The following PRDM11 variants were observed in gnomAD, a reference collection of about 807,000 sequenced individuals.
PRDM11 encodes the protein PR/SET domain 11.
In PRDM11, 20 loss-of-function variants were observed where a neutral mutation model predicts 97.8. That is an observed-to-expected ratio of 0.20 (90% confidence interval 0.14 to 0.30). The LOEUF (loss-of-function observed/expected upper bound fraction) is 0.30, where lower values mean the gene tolerates loss of function less well. Ranked by LOEUF, PRDM11 falls within the 10% of genes least tolerant of loss-of-function variation. The pLI is 1.00. For missense variants in PRDM11, 1,139 were observed against 1,555.2 expected (o/e 0.73, Z 4.50); for synonymous variants, 599 against 637.7 (o/e 0.94, Z 0.91).
intron 1 of PRDM11, among the ~76,000 whole-genome samples, chr11:45,112,788 TTGTGTG>T (rs113245678): frequency 6.7e-6 from 1 of 149,854 alleles, no homozygotes. Context: ...ATGGGATTAT[TTGTGTG>T]TGTGTGTGTG....
At chr11:45,110,795 G>C (rs1230425840) in intron 1 of PRDM11, among the ~76,000 whole-genome samples, 1 of 152,184 alleles carries the variant, frequency 6.6e-6, no homozygotes, top group Non-Finnish European at 1.5e-5. Context: ...TTGTCCAGCA[G>C]ATGGCAGTAA....
Position 45,214,129 on chromosome 11 carries a change from C to T in PRDM11, c.555-5441C>T, listed in dbSNP as rs574552567. The T allele has an allele frequency of 8.7e-5, 17 of 194,456 alleles. No homozygotes were observed. The South Asian group carries it at 1.8e-3, about 21-fold the overall frequency. 12.0% of individuals were successfully genotyped at this position (194,456 alleles called of 1,614,324 possible). Reference sequence around the variant, plus strand: ...AAAGAATCCAGAGCCCAGTGGGGCTCATGTCCCATTCCAGGTTCCAGCATG... The same window carrying T: ...AAAGAATCCAGAGCCCAGTGGGGCTTATGTCCCATTCCAGGTTCCAGCATG... On this transcript the variant is annotated intron_variant, in intron 5 of 7. Coordinates refer to ENST00000683152, the MANE Select transcript of PRDM11 (RefSeq NM_001384648.1).
intron 5 of PRDM11, among the ~76,000 whole-genome samples, chr11:45,214,976 A>G (rs1853914379): frequency 6.6e-6 from 1 of 152,212 alleles, no homozygotes. Context: ...ACTCAGTTAT[A>G]TTTCATTTCT....
intron 5 of PRDM11, among the ~76,000 whole-genome samples, chr11:45,217,719 G>C (rs1179803749): frequency 6.6e-6 from 1 of 152,204 alleles, no homozygotes; most frequent in Non-Finnish European, 1.5e-5. Context: ...ATATAGATGA[G>C]GGGCAGCTGG....
chr11:45,202,713 A>G, intron 4 of PRDM11, among the ~76,000 whole-genome samples: 1 of 152,016 alleles, frequency 6.6e-6, no homozygotes, highest in East Asian at 1.9e-4. Flanking sequence ...AGGGTCTTCC[A>G]CTGCATCTCA....
At chr11:45,180,648 G>A (rs1334146362) in intron 1 of PRDM11, among the ~76,000 whole-genome samples, 3 of 150,736 alleles carry the variant, frequency 2.0e-5, no homozygotes, top group Non-Finnish European at 4.4e-5. Flanking sequence ...ACATGCCCCC[G>A]CAAGGAATGC....
At chr11:45,163,745 T>C (rs1249115572) in intron 1 of PRDM11, among the ~76,000 whole-genome samples, 3 of 152,236 alleles carry the variant, frequency 2.0e-5, no homozygotes, top group African/African-American at 7.2e-5. Context: ...TACCTGTTAT[T>C]CTGTCCCTCC....
chr11:45,097,729 C>A (rs1249249529), intron 1 of PRDM11, among the ~76,000 whole-genome samples: 1 of 152,228 alleles, frequency 6.6e-6, no homozygotes, highest in African/African-American at 2.4e-5. Flanking sequence ...GTGAGACAAG[C>A]AGGCTACGGA....
At chr11:45,213,757 TATC>T (rs775503343) in intron 5 of PRDM11, 1 of 456,354 alleles carries the variant, frequency 2.2e-6, no homozygotes, top group South Asian at 1.5e-5. Flanking sequence ...TGATCATTTT[TATC>T]ATCATCATCT....
intron 5 of PRDM11, among the ~76,000 whole-genome samples, chr11:45,217,003 TC>T (rs1196576846): frequency 6.6e-6 from 1 of 152,222 alleles, no homozygotes; most frequent in East Asian, 1.9e-4. Flanking sequence ...GACAGTATTC[TC>T]CAATCATAGT....
At chr11:45,169,503 T>C (rs1852149893) in intron 1 of PRDM11, among the ~76,000 whole-genome samples, 2 of 152,260 alleles carry the variant, frequency 1.3e-5, no homozygotes, top group Admixed American at 6.5e-5. Context: ...GTATTACACA[T>C]GTTAATTCAT....
At chr11:45,131,967 G>A (rs1017899928) in intron 1 of PRDM11, among the ~76,000 whole-genome samples, 2 of 152,132 alleles carry the variant, frequency 1.3e-5, no homozygotes, top group African/African-American at 4.8e-5. Flanking sequence ...GGCTGCAGCA[G>A]TTCCCTGAAT....
chr11:45,230,842 A>T lies in PRDM11; in HGVS notation c.*2683A>T, dbSNP rs1220020290. ...GAGCTACTCTTTTTCCTCTCAAGAG[A>T]TCATGGCCAAAATGAGCTAAAATCT... On this transcript the variant is annotated 3_prime_UTR_variant, in exon 8 of 8. Coordinates refer to ENST00000683152, the MANE Select transcript of PRDM11 (RefSeq NM_001384648.1). 1 of 152,198 alleles carries T rather than the reference A, an allele frequency of 6.6e-6. No homozygotes were observed. Among genetic ancestry groups the T allele is most frequent in the African/African-American group, 2.4e-5 (1 of 41,454 alleles). 9.4% of individuals were successfully genotyped at this position (152,198 alleles called of 1,614,324 possible).
chr11:45,176,136 C>T (rs114952250), intron 1 of PRDM11, among the ~76,000 whole-genome samples: 4,624 of 152,122 alleles, frequency 0.03, 226 homozygotes, highest in African/African-American at 0.11. Flanking sequence ...AATCCCAGCA[C>T]GGATCCCAGG....
intron 4 of PRDM11, among the ~76,000 whole-genome samples, chr11:45,191,495 T>G (rs141083131): frequency 2.2e-4 from 34 of 152,376 alleles, no homozygotes; most frequent in Non-Finnish European, 4.3e-4. Flanking sequence ...ATTTTTAGTA[T>G]TCATATGAAC....
intron 1 of PRDM11, among the ~76,000 whole-genome samples, chr11:45,108,212 C>T (rs753191136): frequency 2.0e-4 from 30 of 152,294 alleles, no homozygotes; most frequent in Non-Finnish European, 3.1e-4. Flanking sequence ...GTTAAAATAT[C>T]AGCATGTGTC....
At chr11:45,133,365 C>G (rs1590365183) in intron 1 of PRDM11, among the ~76,000 whole-genome samples, 1 of 152,322 alleles carries the variant, frequency 6.6e-6, no homozygotes, top group African/African-American at 2.4e-5. Context: ...GCATTTAACC[C>G]TATTGTCCAC....
In PRDM11 at chr11:45,227,085, C is replaced by G. The variant is rs530062576; in HGVS notation, c.2460C>G (p.Gly820=). The part of the protein sequence containing the change: ...ATLCEETEFL[G]DIRAVRWIIG... ...TTTGTGAGGAGACAGAGTTCCTGGGCGATATCCGGGCAGTGCGGTGGATCA... is the reference window on the plus strand; with the variant it reads ...TTTGTGAGGAGACAGAGTTCCTGGGGGATATCCGGGCAGTGCGGTGGATCA... Residue 820 remains glycine (G), a synonymous_variant, in exon 8 of 8, where the codon GGC becomes GGG. Transcript: ENST00000683152. The surrounding 1 kb of genome is among the most constrained non-coding windows in gnomAD (Gnocchi z 8.0). 9 of 1,533,936 alleles carry G rather than the reference C, an allele frequency of 5.9e-6. No homozygotes were observed. In the South Asian group the frequency reaches 8.3e-5, roughly 14 times the overall value.
At position 45,223,827 on chromosome 11, in the gene PRDM11, G is replaced by T. The variant is rs191465851; in HGVS notation, c.743-390G>T. Among the ~76,000 whole-genome samples the T allele has an allele frequency of 1.5e-3, 233 of 152,274 alleles. 2 individuals are homozygous for T. The highest frequency in any genetic ancestry group is 5.3e-3 in the African/African-American group (220 of 41,558). ...GCTAGGGCTGAGGGGAAGCTGCAAAGGTTGGGGGAGTTGATACTCACTTGG... is the reference window on the plus strand; with the variant it reads ...GCTAGGGCTGAGGGGAAGCTGCAAATGTTGGGGGAGTTGATACTCACTTGG... On this transcript the variant is annotated intron_variant, in intron 6 of 7. Transcript: ENST00000683152.
Sources: allele counts gnomAD v4.1 joint callset (sites outside exome capture counted in the v4.1 genomes callset), GRCh38; gene constraint gnomAD v4.1.1; non-coding constraint Gnocchi (gnomAD v3.1); transcripts MANE v1.5; gene names NCBI Gene and HGNC (gene_info 2026-07-23, HGNC 2026-07-21).